The following GLIS3 variants were observed in gnomAD, a reference collection of about 807,000 sequenced individuals.
GLIS3 encodes the protein GLIS family zinc finger 3, also known as zinc finger protein GLIS3.
GLIS3 carries 53 observed loss-of-function variants against 78.6 expected under a neutral mutation model. The observed-to-expected ratio is 0.67, with a 90% CI of 0.54 to 0.85. The LOEUF is 0.85. Ranked by LOEUF, GLIS3 falls within the 40% of genes least tolerant of loss-of-function variation. The pLI is 0.00. For missense variants in GLIS3, 1,703 were observed against 1,231.1 expected, an observed-to-expected ratio of 1.38 and a Z score of -5.74; for synonymous variants, 684 against 509.9, an observed-to-expected ratio of 1.34 and a Z score of -4.60.
chr9:3,910,490 C>T (rs546091048), intron 6 of GLIS3, among the ~76,000 whole-genome samples: 1 of 152,338 alleles, frequency 6.6e-6, no homozygotes, highest in Admixed American at 6.5e-5. Flanking sequence ...GCTGAGACCA[C>T]AGGCATGGGC....
chr9:4,096,620 G>C (rs1378251110), intron 4 of GLIS3, among the ~76,000 whole-genome samples: 3 of 152,178 alleles, frequency 2.0e-5, no homozygotes, highest in Non-Finnish European at 4.4e-5. Flanking sequence ...CCTGAGCTCA[G>C]GAGAATTATC....
chr9:4,407,678 T>C, the GLIS3 span, among the ~76,000 whole-genome samples: 48 of 152,080 alleles, frequency 3.2e-4, no homozygotes, highest in African/African-American at 1.0e-3. Context: ...AAAGAAAACA[T>C]TGGAAAAACT....
rs1260240976 is a variant in GLIS3 at position 4,161,281 on chromosome 9, TAAAC to T, written c.389-35344_389-35341del. Among the ~76,000 whole-genome samples, 7 of 151,810 alleles carry T rather than the reference TAAAC, an allele frequency of 4.6e-5. No homozygotes were observed. The South Asian group carries it at 1.2e-3, about 27-fold the overall frequency. Reference sequence around the variant, plus strand: ...AAGCGAGACCCTGTCTCAAAATAAATAAACAAATAAGAATCTTAAAAATTTAAAT... The same window carrying T: ...AAGCGAGACCCTGTCTCAAAATAAATAAATAAGAATCTTAAAAATTTAAAT... On this transcript the variant is annotated intron_variant, in intron 2 of 10. Coordinates refer to ENST00000381971, the MANE Select transcript of GLIS3 (RefSeq NM_001042413.2).
the GLIS3 span, among the ~76,000 whole-genome samples, chr9:4,391,221 G>T: frequency 2.6e-5 from 4 of 152,176 alleles, no homozygotes; most frequent in African/African-American, 9.7e-5. Flanking sequence ...ATCTCTGGTG[G>T]AAGGGACAGT....
intron 10 of GLIS3, 97 bp downstream of exon 10, chr9:3,829,213 G>C: frequency 9.9e-7 from 1 of 1,008,060 alleles, no homozygotes; most frequent in South Asian, 1.3e-5. Flanking sequence ...ATGCGGTCAT[G>C]TGCTTGGTCA....
chr9:3,839,987 G>A (rs931787604), intron 9 of GLIS3, among the ~76,000 whole-genome samples: 3 of 152,094 alleles, frequency 2.0e-5, no homozygotes, highest in African/African-American at 7.2e-5. Flanking sequence ...TCCATCCATT[G>A]CATTAACGAC....
chr9:4,120,390 T>A (rs1235727912), intron 3 of GLIS3, among the ~76,000 whole-genome samples: 1 of 152,374 alleles, frequency 6.6e-6, no homozygotes, highest in Middle Eastern at 3.4e-3. Context: ...GCCCTTGACA[T>A]AGATTTTCCT....
intron 2 of GLIS3, among the ~76,000 whole-genome samples, chr9:4,229,674 G>A (rs1822086538): frequency 1.3e-5 from 2 of 152,114 alleles, no homozygotes; most frequent in African/African-American, 2.4e-5. Context: ...ATATAAAAAG[G>A]TTTTTATTAC....
chr9:4,485,013 G>C, the GLIS3 span, among the ~76,000 whole-genome samples: 1 of 150,048 alleles, frequency 6.7e-6, no homozygotes, highest in Non-Finnish European at 1.5e-5. Flanking sequence ...CCTTTTTTTG[G>C]GGGGGTGGGG....
chr9:4,126,042 G>A (rs1349126958), intron 2 of GLIS3, 101 bp from the exon 3 acceptor site: 3 of 887,230 alleles, frequency 3.4e-6, no homozygotes, highest in Non-Finnish European at 5.5e-6. Context: ...TTTAGAGACA[G>A]TCCTCAGATC....
At chr9:4,140,157 C>T (rs550526742) in intron 2 of GLIS3, among the ~76,000 whole-genome samples, 6 of 152,240 alleles carry the variant, frequency 3.9e-5, no homozygotes, top group African/African-American at 1.2e-4. Context: ...AACGCTGTCT[C>T]CACAAAAAAT....
At chr9:3,898,600 GA>G (rs1321870091) in intron 7 of GLIS3, 90 bp downstream of exon 7, 1 of 1,517,762 alleles carries the variant, frequency 6.6e-7, no homozygotes, top group Non-Finnish European at 9.1e-7. Context: ...ACGATCTTAG[GA>G]AAATTTTTCT....
the GLIS3 span, among the ~76,000 whole-genome samples, chr9:4,380,779 G>A: frequency 6.6e-6 from 1 of 152,142 alleles, no homozygotes; most frequent in African/African-American, 2.4e-5. Flanking sequence ...AGGAGAATGT[G>A]GATTTAATTC....
chr9:4,445,181 A>G, the GLIS3 span, among the ~76,000 whole-genome samples: 11 of 152,340 alleles, frequency 7.2e-5, no homozygotes, highest in African/African-American at 2.6e-4. Flanking sequence ...CAGTTTATTC[A>G]TGTGGTCAAT....
intron 8 of GLIS3, chr9:3,875,755 C>G (rs1821267702): frequency 1.3e-5 from 2 of 152,198 alleles, no homozygotes; most frequent in African/African-American, 4.8e-5. Flanking sequence ...CTTGCCCACT[C>G]CAGCTGGGAA....
At chr9:4,487,306 C>A in the GLIS3 span, among the ~76,000 whole-genome samples, 1 of 152,056 alleles carries the variant, frequency 6.6e-6, no homozygotes, top group Non-Finnish European at 1.5e-5. Context: ...CAGGTTGACT[C>A]CAAGTAAAAT....
intron 2 of GLIS3, among the ~76,000 whole-genome samples, chr9:4,244,221 T>C (rs1177794565): frequency 6.6e-6 from 1 of 152,216 alleles, no homozygotes; most frequent in South Asian, 2.1e-4. Context: ...CTCACCAGAA[T>C]AGCTCATGTC....
At chr9:4,365,696 C>G in the GLIS3 span, among the ~76,000 whole-genome samples, 1 of 152,226 alleles carries the variant, frequency 6.6e-6, no homozygotes, top group African/African-American at 2.4e-5. Flanking sequence ...AACTGGATGA[C>G]TACTTGCTTG....
At chr9:3,978,769 C>T (rs1818997859) in intron 4 of GLIS3, among the ~76,000 whole-genome samples, 1 of 152,050 alleles carries the variant, frequency 6.6e-6, no homozygotes, top group African/African-American at 2.4e-5. Context: ...AGCTGGCACT[C>T]CCAAGTCTAA....
Sources: allele counts gnomAD v4.1 joint callset (sites outside exome capture counted in the v4.1 genomes callset), GRCh38; gene constraint gnomAD v4.1.1; transcripts MANE v1.5; gene names NCBI Gene and HGNC (gene_info 2026-07-23, HGNC 2026-07-21).